TMC1: variants seen among roughly 807,000 people sequenced by gnomAD.
TMC1 encodes transmembrane channel like 1.
Under a neutral mutation model 105.8 loss-of-function variants are expected in TMC1, and 84 were observed. That is an observed-to-expected ratio of 0.79 (90% CI 0.67 to 0.95). The LOEUF (loss-of-function observed/expected upper bound fraction) is 0.95, where lower values mean the gene tolerates loss of function less well. Ranked by LOEUF, TMC1 falls within the 40% of genes least tolerant of loss-of-function variation. TMC1 has a pLI of 0.00. For missense variants in TMC1, 817 were observed against 914.1 expected (o/e 0.89, Z 1.37); for synonymous variants, 315 against 311.5 (o/e 1.01, Z -0.12).
chr9:72,665,207 CTG>C (rs1826023744), intron 5 of TMC1, among the ~76,000 whole-genome samples: 1 of 152,138 alleles, frequency 6.6e-6, no homozygotes, highest in Non-Finnish European at 1.5e-5. Flanking sequence ...TGGTACGTGA[CTG>C]TATTTATTGA....
chr9:72,555,548 G>A (rs1216744238), intron 1 of TMC1, among the ~76,000 whole-genome samples: 16 of 152,064 alleles, frequency 1.1e-4, no homozygotes, highest in Non-Finnish European at 2.4e-4. Context: ...AGATGATGTG[G>A]ATGGTAGGAG....
chr9:72,535,521 A>G (rs998620030), intron 1 of TMC1, among the ~76,000 whole-genome samples: 2 of 152,224 alleles, frequency 1.3e-5, no homozygotes, highest in African/African-American at 4.8e-5. Context: ...TTCCTCCTCA[A>G]GAACTTTCAG....
chr9:72,661,711 A>G (rs924312626), intron 5 of TMC1, among the ~76,000 whole-genome samples: 3 of 152,238 alleles, frequency 2.0e-5, no homozygotes, highest in Non-Finnish European at 4.4e-5. Context: ...ACACTTGGCC[A>G]GATAATTTTG....
chr9:72,719,608 C>T (rs1025510334), intron 8 of TMC1, among the ~76,000 whole-genome samples: 10 of 152,174 alleles, frequency 6.6e-5, no homozygotes, highest in African/African-American at 2.4e-4. Context: ...TCTTGACTTT[C>T]CCAGTATATT....
In TMC1 at chr9:72,599,638, G is replaced by A. The variant is rs371648818; in HGVS notation, c.-305-16730G>A. On this transcript the variant is annotated intron_variant, in intron 2 of 23. Coordinates refer to ENST00000297784, the MANE Select transcript of TMC1 (RefSeq NM_138691.3). ...AGCCTGGTCAACATGGTGAAACCCCGTCTTTACTAAAAATACAAAAAATTA... is the reference window on the plus strand; with the variant it reads ...AGCCTGGTCAACATGGTGAAACCCCATCTTTACTAAAAATACAAAAAATTA... Among the ~76,000 whole-genome samples, 7 of 151,894 alleles carry A rather than the reference G, an allele frequency of 4.6e-5. No individual in the cohort carries two copies. In the East Asian group the frequency reaches 7.8e-4, roughly 17 times the overall value.
At chr9:72,613,124 G>A (rs1029281573) in intron 2 of TMC1, among the ~76,000 whole-genome samples, 1 of 138,466 alleles carries the variant, frequency 7.2e-6, no homozygotes, top group Non-Finnish European at 1.5e-5. Flanking sequence ...TGTTTATTCA[G>A]AAATGTGATT....
intron 1 of TMC1, among the ~76,000 whole-genome samples, chr9:72,537,227 C>T (rs1053483811): frequency 1.3e-5 from 2 of 152,178 alleles, no homozygotes; most frequent in Non-Finnish European, 2.9e-5. Context: ...GGCCTCTAGG[C>T]TTGTGATGGG....
intron 4 of TMC1, among the ~76,000 whole-genome samples, chr9:72,632,208 G>C (rs1391536395): frequency 1.3e-5 from 2 of 152,066 alleles, no homozygotes. Flanking sequence ...GAGAGAAAGA[G>C]AGAGAGGAGA....
At chr9:72,652,576 G>A (rs996013668) in intron 5 of TMC1, among the ~76,000 whole-genome samples, 3 of 152,156 alleles carry the variant, frequency 2.0e-5, no homozygotes, top group Non-Finnish European at 4.4e-5. Context: ...AAGAACCTTA[G>A]TATGTTGCAA....
chr9:72,532,572 A>C (rs974024490), intron 1 of TMC1, among the ~76,000 whole-genome samples: 196 of 145,166 alleles, frequency 1.4e-3, no homozygotes, highest in African/African-American at 4.7e-3. Flanking sequence ...AAAAAAAAAA[A>C]AAAAAAAAAA....
At chr9:72,701,776 G>A (rs1826650301) in intron 8 of TMC1, among the ~76,000 whole-genome samples, 1 of 152,248 alleles carries the variant, frequency 6.6e-6, no homozygotes, top group Non-Finnish European at 1.5e-5. Flanking sequence ...TATCTTCTCT[G>A]TGCGCTTGAA....
At chr9:72,697,817 A>G (rs772116658) in intron 7 of TMC1, among the ~76,000 whole-genome samples, 11 of 152,148 alleles carry the variant, frequency 7.2e-5, no homozygotes, top group Non-Finnish European at 1.3e-4. Context: ...AAGCAATTAA[A>G]TTATTAATCA....
chr9:72,562,208 A>G (rs761851154), intron 1 of TMC1, among the ~76,000 whole-genome samples: 1 of 152,144 alleles, frequency 6.6e-6, no homozygotes, highest in Non-Finnish European at 1.5e-5. Flanking sequence ...TCATAAATAT[A>G]TGCTCTAAGT....
chr9:72,818,726 A>G (rs2118292195), intron 19 of TMC1: 1 of 152,316 alleles, frequency 6.6e-6, no homozygotes, highest in East Asian at 1.9e-4. Context: ...ATTTTTACTG[A>G]CAGATGATGG....
chr9:72,718,189 A>AT lies in TMC1; in HGVS notation c.362+17555dup, dbSNP rs1036249662. Among the ~76,000 whole-genome samples the AT allele has an allele frequency of 5.3e-5, 8 of 150,406 alleles. No homozygotes were observed. In the East Asian group the frequency reaches 7.8e-4, roughly 15 times the overall value. On this transcript the variant is annotated intron_variant, in intron 8 of 23. Coordinates refer to ENST00000297784, the MANE Select transcript of TMC1 (RefSeq NM_138691.3). ...ATTAGCTTACTACTCGACCTTCTGA[A>AT]TTTTTTTTTCTGGCAATTCAGGGAT...
chr9:72,705,522 G>A (rs1043140432), intron 8 of TMC1, among the ~76,000 whole-genome samples: 4 of 152,116 alleles, frequency 2.6e-5, no homozygotes, highest in African/African-American at 9.7e-5. Flanking sequence ...AGAGCTACTG[G>A]GCCACAATGC....
intron 2 of TMC1, chr9:72,608,065 G>T (rs1280583164): frequency 6.6e-6 from 1 of 152,170 alleles, no homozygotes; most frequent in Non-Finnish European, 1.5e-5. Flanking sequence ...CAGGCTTCAG[G>T]CTTGGCTTGA....
At chr9:72,711,468 C>T (rs1826834450) in intron 8 of TMC1, among the ~76,000 whole-genome samples, 1 of 152,040 alleles carries the variant, frequency 6.6e-6, no homozygotes, top group Admixed American at 6.6e-5. Flanking sequence ...TTCTAACTGG[C>T]GTGAGATGGT....
rs1359685020 is a variant in TMC1 at position 72,791,981 on chromosome 9, A to G, written c.1320A>G (p.Lys440=). 1 of 1,614,116 alleles carries G rather than the reference A, an allele frequency of 6.2e-7. No individual in the cohort carries two copies. The highest frequency in any genetic ancestry group is 1.7e-5 in the Admixed American group (1 of 60,030). The change falls in exon 16 of 24, where the codon AAA becomes AAG. Residue 440 remains lysine, a synonymous_variant. Coordinates refer to ENST00000297784, the MANE Select transcript of TMC1 (RefSeq NM_138691.3). ...LEDYHPLIAL[K]WLLGRIFALL... is the part of the protein sequence containing the mutation. The stretch of plus-strand genomic sequence containing the variant: ...ACTACCATCCTCTCATCGCTTTGAA[A>G]TGGCTACTGGGACGCATTTTTGCTC...
Sources: allele counts gnomAD v4.1 joint callset (sites outside exome capture counted in the v4.1 genomes callset), GRCh38; gene constraint gnomAD v4.1.1; transcripts MANE v1.5; gene names NCBI Gene and HGNC (gene_info 2026-07-23, HGNC 2026-07-21).